NDUFA7: variants seen among roughly 807,000 people sequenced by gnomAD.
NDUFA7 encodes NADH dehydrogenase [ubiquinone] 1 alpha subcomplex subunit 7.
A neutral mutation model predicts 14.2 loss-of-function variants in NDUFA7; 18 were observed. The ratio of observed to expected loss-of-function variants is 1.27; its 90% CI spans 0.88 to 1.88. The LOEUF is 1.88. NDUFA7 is among the 40% of genes most tolerant of loss of function. The probability of loss-of-function intolerance (pLI) is 0.00; values close to 1 mark genes in which losing one functional copy is unlikely to be tolerated. For missense variants in NDUFA7, 172 were observed against 147.3 expected (o/e 1.17, Z -0.87); for synonymous variants, 75 against 62.1 (o/e 1.21, Z -0.98).
intron 2 of NDUFA7, 138 bp downstream of exon 2, chr19:8,320,719 C>T: frequency 9.2e-7 from 1 of 1,084,768 alleles, no homozygotes; most frequent in African/African-American, 1.6e-5. Flanking sequence ...TAAAGGCAAA[C>T]CTCTGCCTCC....
At chr19:8,317,584 A>C (rs1970250399) in intron 2 of NDUFA7, among the ~76,000 whole-genome samples, 2 of 152,180 alleles carry the variant, frequency 1.3e-5, no homozygotes, top group African/African-American at 4.8e-5. Flanking sequence ...AAAACCGTAA[A>C]TTGATCTGTT....
intron 3 of NDUFA7, among the ~76,000 whole-genome samples, chr19:8,313,035 G>C (rs1257147696): frequency 6.6e-6 from 1 of 152,040 alleles, no homozygotes; most frequent in African/African-American, 2.4e-5. Context: ...GACCCCTAGT[G>C]ATCCTCTCAC....
intron 2 of NDUFA7, among the ~76,000 whole-genome samples, chr19:8,317,883 G>A (rs1280524384): frequency 6.6e-6 from 1 of 152,122 alleles, no homozygotes; most frequent in Admixed American, 6.6e-5. Flanking sequence ...ATGTTGCCCA[G>A]GTTGATGTCG....
downstream of NDUFA7, chr19:8,308,894 G>A (rs10409627): frequency 0.11 from 17,319 of 151,756 alleles, 2,018 homozygotes; most frequent in African/African-American, 0.3. Context: ...GCTTGGGGGG[G>A]AAAAAGGAAA....
intron 3 of NDUFA7, 44 bp downstream of exon 3, chr19:8,316,452 G>C: frequency 6.2e-7 from 1 of 1,604,326 alleles, no homozygotes; most frequent in Non-Finnish European, 8.5e-7. Flanking sequence ...TGGGTTGCAG[G>C]AGGGGGCATG....
chr19:8,310,032 C>T (rs1970156407), downstream of NDUFA7, among the ~76,000 whole-genome samples: 2 of 152,324 alleles, frequency 1.3e-5, no homozygotes, highest in South Asian at 2.1e-4. Context: ...TTACTGTCCT[C>T]TGCCTTCCCC....
At chr19:8,315,499 G>A (rs1364686761) in intron 3 of NDUFA7, among the ~76,000 whole-genome samples, 1 of 152,212 alleles carries the variant, frequency 6.6e-6, no homozygotes, top group African/African-American at 2.4e-5. Flanking sequence ...ACGTGTATAT[G>A]TATCTAAAGC....
downstream of NDUFA7, chr19:8,308,886 T>G (rs1378245557): frequency 6.6e-6 from 1 of 151,946 alleles, no homozygotes; most frequent in Non-Finnish European, 1.5e-5. Flanking sequence ...GTCGGGTTGC[T>G]TGGGGGGGAA....
chr19:8,310,407 C>A (rs569909335), downstream of NDUFA7: 4 of 151,956 alleles, frequency 2.6e-5, no homozygotes, highest in East Asian at 5.8e-4. Context: ...CTAGCCTGGG[C>A]AACAAGAGCG....
chr19:8,315,225 G>A (rs1250706005), intron 3 of NDUFA7, among the ~76,000 whole-genome samples: 2 of 152,162 alleles, frequency 1.3e-5, no homozygotes, highest in Non-Finnish European at 2.9e-5. Context: ...ATGTGGCCTC[G>A]TGGGAAAGGA....
chr19:8,311,272 G>A, downstream of NDUFA7: 1 of 333,242 alleles, frequency 3.0e-6, no homozygotes, highest in Non-Finnish European at 5.6e-6. Flanking sequence ...AGGTGTGGTG[G>A]CTCATGCCTG....
chr19:8,311,921 A>G (rs1309161892), intron 3 of NDUFA7, among the ~76,000 whole-genome samples: 1 of 151,936 alleles, frequency 6.6e-6, no homozygotes, highest in Non-Finnish European at 1.5e-5. Context: ...CCCCACCCCC[A>G]TTCCTGCTGC....
intron 2 of NDUFA7, among the ~76,000 whole-genome samples, 195 bp downstream of exon 2, chr19:8,320,662 C>G (rs2145401101): frequency 6.6e-6 from 1 of 152,300 alleles, no homozygotes; most frequent in South Asian, 2.1e-4. Context: ...GAATGCACGC[C>G]CGGCCTCGCT....
chr19:8,316,632 G>T lies in NDUFA7; in HGVS notation c.115C>A (p.Pro39Thr), dbSNP rs1447187409. ...TGGCTAGGACCCACAGGGAGCTTGG[G>T]AGGAGGCTGAGTTCTGAGGGGAAAA... ...QEISKRTQPP[P>T]KLPVGPSHKL... The change falls in exon 3 of 4, where the codon CCC (proline) becomes ACC (threonine). Residue 39 changes from proline (P) to threonine (T), a missense_variant. Physicochemically the swap from Pro to Thr is conservative, Grantham distance 38. Transcript: ENST00000301457. The T allele has an allele frequency of 1.4e-5, 23 of 1,614,018 alleles. No homozygotes were observed. The highest frequency in any genetic ancestry group is 1.9e-5 in the Non-Finnish European group (23 of 1,180,008).
At position 8,311,731 on chromosome 19, in the gene NDUFA7, G is replaced by C. The variant is rs1173127511; in HGVS notation, c.252-136C>G. 1.2e-5 allele frequency: 8 copies of C among 650,972 alleles called. No individual in the cohort carries two copies. In the East Asian group the frequency reaches 2.2e-4, roughly 18 times the overall value. The allele number at this position is 650,972 out of a possible 1,614,324, so 40.3% of individuals were successfully genotyped here. On this transcript the variant is annotated intron_variant, in intron 3 of 3. Transcript: ENST00000301457. ...GCAGGACAGACAGCAGGGTGTTCCA[G>C]AATGCCAACCCCTCCAACGCAGCCC...
rs141547661 is a variant in NDUFA7, at chr19:8,319,122, G to C, written c.101+1735C>G. ...GCCAACTAGGGGGGTCGGGGGTTGG[G>C]GGGGAGAGAGCATCAGGAAGAATAG... On this transcript the variant is annotated intron_variant, in intron 2 of 3. Transcript: ENST00000301457. Among the ~76,000 whole-genome samples, 283 of 151,820 alleles carry C rather than the reference G, an allele frequency of 1.9e-3. 1 individual carries two copies. Among genetic ancestry groups the C allele is most frequent in the East Asian group, 0.013 (68 of 5,164 alleles).
chr19:8,312,750 G>T (rs887110864), intron 3 of NDUFA7, among the ~76,000 whole-genome samples: 1 of 151,760 alleles, frequency 6.6e-6, no homozygotes, highest in African/African-American at 2.4e-5. Context: ...AAGCTTCCTC[G>T]ACCTCCCAGG....
chr19:8,314,635 C>T (rs1970212826), intron 3 of NDUFA7, among the ~76,000 whole-genome samples: 2 of 151,798 alleles, frequency 1.3e-5, no homozygotes, highest in Non-Finnish European at 1.5e-5. Context: ...GCATGGAGGC[C>T]GGGCATGGTG....
At chr19:8,315,261 C>T (rs1399817179) in intron 3 of NDUFA7, among the ~76,000 whole-genome samples, 2 of 152,108 alleles carry the variant, frequency 1.3e-5, no homozygotes, top group African/African-American at 4.8e-5. Flanking sequence ...CCCAGCCCGA[C>T]ACCGGTAAAG....
Sources: gnomAD v4.1 joint callset for allele counts (sites outside exome capture counted in the v4.1 genomes callset) on GRCh38, gnomAD v4.1.1 for gene constraint, MANE v1.5 for transcripts, NCBI Gene and HGNC (gene_info 2026-07-23, HGNC 2026-07-21) for gene names.